Variants in CFAP70 observed in about 807,000 individuals in gnomAD.
CFAP70 encodes the protein cilia and flagella associated protein 70.
A neutral mutation model predicts 137.6 loss-of-function variants in CFAP70; 81 were observed. The ratio of observed to expected loss-of-function variants is 0.59; its 90% CI spans 0.49 to 0.71. The LOEUF (loss-of-function observed/expected upper bound fraction) is 0.71, where lower values mean the gene tolerates loss of function less well. CFAP70 is among the 30% of genes least tolerant of loss of function. The pLI is 0.00. For missense variants in CFAP70, 976 were observed against 1,226.7 expected (o/e 0.80, Z 3.05); for synonymous variants, 382 against 423.6 (o/e 0.90, Z 1.20).
At chr10:73,293,159 T>C (rs1683454391) in intron 16 of CFAP70, 104 bp downstream of exon 17, 1 of 1,304,554 alleles carries the variant, frequency 7.7e-7, no homozygotes. Context: ...GTTCTATGTG[T>C]CTACCCTTTC....
intron 19 of CFAP70, among the ~76,000 whole-genome samples, chr10:73,289,377 C>T (rs1220558179): frequency 6.6e-6 from 1 of 152,004 alleles, no homozygotes; most frequent in African/African-American, 2.4e-5. Context: ...CCTCTGCCTC[C>T]TGGGTTCAAG....
At chr10:73,351,069 G>GTATA (rs1367174993) in intron 3 of CFAP70, among the ~76,000 whole-genome samples, 1,096 of 50,136 alleles carry the variant, frequency 0.022, 8 homozygotes, top group Middle Eastern at 0.043. Context: ...GTGTGTGTGT[G>GTATA]TGTATATATA....
intron 19 of CFAP70, among the ~76,000 whole-genome samples, chr10:73,290,637 C>T (rs1166662754): frequency 6.6e-6 from 1 of 152,050 alleles, no homozygotes; most frequent in African/African-American, 2.4e-5. Context: ...CAAAAACACA[C>T]ATACCACACA....
At chr10:73,256,337 GCAGGCAAATGA>G (rs765907208) in intron 26 of CFAP70, 21 bp downstream of exon 27, 1 of 1,613,206 alleles carries the variant, frequency 6.2e-7, no homozygotes, top group African/African-American at 1.3e-5. Flanking sequence ...TTAACATGGG[GCAGGCAAATGA>G]CAGAGGCATC....
chr10:73,283,137 G>A (rs537235592), intron 19 of CFAP70, among the ~76,000 whole-genome samples: 1 of 152,096 alleles, frequency 6.6e-6, no homozygotes, highest in Non-Finnish European at 1.5e-5. Flanking sequence ...ACCACACCTG[G>A]CCAGATTTTC....
intron 7 of CFAP70, 59 bp from the exon 9 acceptor site, chr10:73,331,335 A>C (rs1287439638): frequency 1.4e-6 from 2 of 1,384,820 alleles, no homozygotes; most frequent in African/African-American, 2.9e-5. Flanking sequence ...AGTATAATTT[A>C]GGTTAAAGGG....
At position 73,275,410 on chromosome 10, in the gene CFAP70, T is replaced by G; in HGVS notation, c.2673+36A>C. On this transcript the variant is annotated intron_variant, in intron 22 of 26. Transcript: ENST00000310715. This position sits in a 1 kb window ranked among gnomAD's most constrained non-coding sequence, Gnocchi z 4.0. Reference sequence around the variant, plus strand: ...ATCACCACCTTTAAATAAAGCCCCTTCTCCAGACTCAAGAGGCTTTAGCAA... The same window carrying G: ...ATCACCACCTTTAAATAAAGCCCCTGCTCCAGACTCAAGAGGCTTTAGCAA... 6.5e-7 allele frequency: 1 copy of G among 1,546,702 alleles called. No individual in the cohort carries two copies. The highest frequency in any genetic ancestry group is 1.7e-4 in the Middle Eastern group (1 of 5,768).
chr10:73,277,190 G>C, intron 21 of CFAP70, 50 bp downstream of exon 22: 1 of 1,576,690 alleles, frequency 6.3e-7, no homozygotes, highest in Non-Finnish European at 8.6e-7. Context: ...ATAGAATAAA[G>C]AGTTTGCTAA....
chr10:73,311,167 T>A (rs986201826), intron 11 of CFAP70, among the ~76,000 whole-genome samples: 4 of 152,222 alleles, frequency 2.6e-5, no homozygotes, highest in African/African-American at 9.6e-5. Context: ...CTCTTTCTTC[T>A]TTCCTAACTC....
At chr10:73,285,635 C>CTTT (rs769793433) in intron 19 of CFAP70, among the ~76,000 whole-genome samples, 41 of 136,908 alleles carry the variant, frequency 3.0e-4, no homozygotes, top group South Asian at 1.7e-3. Flanking sequence ...ACTATATTTT[C>CTTT]TTTTTTTTTT....
upstream of CFAP70, among the ~76,000 whole-genome samples, chr10:73,359,238 A>G (rs577730641): frequency 1.3e-5 from 2 of 152,360 alleles, no homozygotes; most frequent in African/African-American, 4.8e-5. Flanking sequence ...TTTAATATTC[A>G]AAATTTAACA....
In CFAP70 at chr10:73,353,436, C is replaced by T. The variant is rs1223291162; in HGVS notation, c.250+120G>A. On this transcript the variant is annotated intron_variant, in intron 3 of 26. Coordinates refer to ENST00000310715, the Ensembl canonical transcript of CFAP70. Reference sequence around the variant, plus strand: ...TGCTTCTGGGAACAAAGGAACTGTCCTTTCTTTCTCATGATTTTAGTTACA... The same window carrying T: ...TGCTTCTGGGAACAAAGGAACTGTCTTTTCTTTCTCATGATTTTAGTTACA... The T allele has an allele frequency of 1.8e-5, 17 of 947,706 alleles. No homozygotes were observed. In the African/African-American group the frequency reaches 2.2e-4, roughly 12 times the overall value. The allele number at this position is 947,706 out of a possible 1,614,324, so 58.7% of individuals were successfully genotyped here.
intron 7 of CFAP70, among the ~76,000 whole-genome samples, chr10:73,335,110 G>T (rs1296113899): frequency 6.8e-6 from 1 of 146,408 alleles, no homozygotes; most frequent in Non-Finnish European, 1.5e-5. Flanking sequence ...TGTTGCCCAG[G>T]CTGGTCTTGA....
rs372963551 is a variant in CFAP70 at position 73,342,590 on chromosome 10, A to C, written c.400-1009T>G. Among the ~76,000 whole-genome samples the C allele has an allele frequency of 2.6e-5, 4 of 152,298 alleles. No individual in the cohort carries two copies. In the East Asian group the frequency reaches 7.7e-4, roughly 29 times the overall value. On this transcript the variant is annotated intron_variant, in intron 5 of 26. Coordinates refer to ENST00000310715, the Ensembl canonical transcript of CFAP70. ...AGAGATATATAGATAGATAAAGAAC[A>C]GGAACAAGAAGTTTACTGGAAAAGA...
chr10:73,298,829 G>C, intron 14 of CFAP70, 78 bp downstream of exon 15: 1 of 1,312,090 alleles, frequency 7.6e-7, no homozygotes, highest in South Asian at 1.2e-5. Flanking sequence ...CATAATCAGA[G>C]GAGAAAATGT....
At chr10:73,279,884 A>T (rs1328730943) in intron 19 of CFAP70, among the ~76,000 whole-genome samples, 1 of 152,062 alleles carries the variant, frequency 6.6e-6, no homozygotes, top group Non-Finnish European at 1.5e-5. Context: ...AAAGAAAAAT[A>T]ACCTTTAAAA....
At chr10:73,350,184 T>C (rs2054077423) in intron 3 of CFAP70, among the ~76,000 whole-genome samples, 1 of 152,230 alleles carries the variant, frequency 6.6e-6, no homozygotes. Context: ...ACCAGGCCAA[T>C]AGTTACATAG....
intron 1 of CFAP70, among the ~76,000 whole-genome samples, chr10:73,358,065 T>G (rs533054801): frequency 6.6e-6 from 1 of 152,378 alleles, no homozygotes; most frequent in East Asian, 1.9e-4. Flanking sequence ...CCAACCTGTT[T>G]CACATTTATT....
chr10:73,279,767 A>G (rs947584854), intron 19 of CFAP70, among the ~76,000 whole-genome samples: 2 of 151,914 alleles, frequency 1.3e-5, no homozygotes, highest in African/African-American at 4.8e-5. Flanking sequence ...CTGAGGTGGG[A>G]GGACTGCTTG....
Sources: allele counts gnomAD v4.1 joint callset (sites outside exome capture counted in the v4.1 genomes callset), GRCh38; gene constraint gnomAD v4.1.1; non-coding constraint Gnocchi (gnomAD v3.1); transcripts MANE v1.5; gene names NCBI Gene and HGNC (gene_info 2026-07-23, HGNC 2026-07-21).